HS3ST5: variants seen among roughly 807,000 people sequenced by gnomAD.
HS3ST5 encodes heparan sulfate-glucosamine 3-sulfotransferase 5.
Under a neutral mutation model 25.4 loss-of-function variants are expected in HS3ST5, and 10 were observed. The ratio of observed to expected loss-of-function variants is 0.39; its 90% CI spans 0.24 to 0.67. The LOEUF (loss-of-function observed/expected upper bound fraction) is 0.67, where lower values mean the gene tolerates loss of function less well. Ranked by LOEUF, HS3ST5 falls within the 30% of genes least tolerant of loss-of-function variation. HS3ST5 has a pLI of 0.44. For missense variants in HS3ST5, 324 were observed against 420.7 expected (o/e 0.77, Z 2.01); for synonymous variants, 170 against 162.4 (o/e 1.05, Z -0.36).
intron 3 of HS3ST5, chr6:114,084,479 A>G (rs12661647): frequency 0.022 from 16,802 of 757,624 alleles, 315 homozygotes; most frequent in African/African-American, 0.073. Flanking sequence ...TCCCGCGGGT[A>G]TTCACGGGAA....
chr6:114,157,964 AC>A (rs1268066560), intron 3 of HS3ST5, among the ~76,000 whole-genome samples: 2 of 151,752 alleles, frequency 1.3e-5, no homozygotes, highest in African/African-American at 4.8e-5. Flanking sequence ...TTCCTGTACA[AC>A]CCCACTCCTC....
chr6:114,326,263 G>A (rs1450799732), intron 1 of HS3ST5, among the ~76,000 whole-genome samples: 7 of 152,078 alleles, frequency 4.6e-5, no homozygotes, highest in African/African-American at 1.7e-4. Context: ...GGTGGTGCAT[G>A]CCTGTAATCC....
intron 2 of HS3ST5, among the ~76,000 whole-genome samples, chr6:114,199,097 A>G (rs2114354867): frequency 6.6e-6 from 1 of 152,354 alleles, no homozygotes; most frequent in South Asian, 2.1e-4. Context: ...AAAATATGAA[A>G]GTCATAAAAT....
chr6:114,245,921 A>T (rs767798330), intron 1 of HS3ST5, among the ~76,000 whole-genome samples: 3 of 152,224 alleles, frequency 2.0e-5, no homozygotes, highest in Non-Finnish European at 4.4e-5. Context: ...TTATACTGAC[A>T]TAAAGGTAAA....
At chr6:114,156,155 C>A (rs1016662676) in intron 3 of HS3ST5, among the ~76,000 whole-genome samples, 2 of 151,998 alleles carry the variant, frequency 1.3e-5, no homozygotes, top group African/African-American at 4.8e-5. Context: ...AGGACAGGAC[C>A]TTTCCTTCCA....
chr6:114,320,854 C>T (rs139143395), intron 1 of HS3ST5, among the ~76,000 whole-genome samples: 1 of 150,984 alleles, frequency 6.6e-6, no homozygotes, highest in Non-Finnish European at 1.5e-5. Flanking sequence ...TTGTTCACTC[C>T]AGTATTCTCA....
intron 1 of HS3ST5, among the ~76,000 whole-genome samples, chr6:114,320,292 G>A (rs927745103): frequency 1.3e-5 from 2 of 152,026 alleles, no homozygotes; most frequent in South Asian, 2.1e-4. Flanking sequence ...GTGCCTCAAC[G>A]CTCTAATTTC....
At chr6:114,200,440 GA>G (rs987605320) in intron 2 of HS3ST5, among the ~76,000 whole-genome samples, 1 of 152,108 alleles carries the variant, frequency 6.6e-6, no homozygotes, top group Non-Finnish European at 1.5e-5. Flanking sequence ...TTTTGTCTTT[GA>G]AAAATCTTAG....
intron 1 of HS3ST5, among the ~76,000 whole-genome samples, chr6:114,270,908 G>T (rs927024915): frequency 4.0e-5 from 6 of 151,566 alleles, no homozygotes; most frequent in African/African-American, 1.5e-4. Flanking sequence ...GGAGAAAAAA[G>T]AAATTAAATC....
At chr6:114,263,367 G>C (rs1773262487) in intron 1 of HS3ST5, among the ~76,000 whole-genome samples, 1 of 151,944 alleles carries the variant, frequency 6.6e-6, no homozygotes, top group African/African-American at 2.4e-5. Context: ...ACTATGCTCT[G>C]AACTCTTATA....
At chr6:114,254,766 C>T (rs139033938) in intron 1 of HS3ST5, among the ~76,000 whole-genome samples, 2,264 of 152,204 alleles carry the variant, frequency 0.015, 65 homozygotes, top group African/African-American at 0.052. Flanking sequence ...ACCATCAGAT[C>T]TCATGAGACT....
At chr6:114,099,213 G>T (rs9481418) in intron 3 of HS3ST5, among the ~76,000 whole-genome samples, 21,517 of 151,974 alleles carry the variant, frequency 0.14, 1,558 homozygotes, top group Middle Eastern at 0.21. Flanking sequence ...CAAATTACAG[G>T]GCCAGCAAGC....
At chr6:114,147,298 T>C (rs1427565754) in intron 3 of HS3ST5, among the ~76,000 whole-genome samples, 1 of 152,190 alleles carries the variant, frequency 6.6e-6, no homozygotes, top group Admixed American at 6.5e-5. Context: ...CCAGCCTCCC[T>C]TGCAGCTAAA....
chr6:114,270,823 G>T (rs1450383513), intron 1 of HS3ST5, among the ~76,000 whole-genome samples: 1 of 151,898 alleles, frequency 6.6e-6, no homozygotes, highest in Non-Finnish European at 1.5e-5. Context: ...AAAATAAAAA[G>T]GGTTGGGATT....
intron 3 of HS3ST5, among the ~76,000 whole-genome samples, chr6:114,165,004 G>A (rs543463183): frequency 5.2e-4 from 79 of 152,288 alleles, no homozygotes; most frequent in African/African-American, 1.9e-3. Flanking sequence ...CTGTTAAAGA[G>A]ATTGTTCCAA....
chr6:114,210,225 C>T (rs1050837158), intron 2 of HS3ST5, among the ~76,000 whole-genome samples: 12 of 152,150 alleles, frequency 7.9e-5, no homozygotes, highest in East Asian at 5.8e-4. Context: ...TAGCTCCATT[C>T]ATCTGTGTGC....
intron 2 of HS3ST5, among the ~76,000 whole-genome samples, chr6:114,198,714 A>G (rs1371821989): frequency 6.6e-6 from 1 of 152,210 alleles, no homozygotes; most frequent in Non-Finnish European, 1.5e-5. Context: ...AGCATTCTAT[A>G]CTGATTGTGG....
At chr6:114,249,556 T>G (rs971641147) in intron 1 of HS3ST5, among the ~76,000 whole-genome samples, 1 of 152,024 alleles carries the variant, frequency 6.6e-6, no homozygotes, top group Non-Finnish European at 1.5e-5. Context: ...GTGCTAAGAG[T>G]GCTGGTTGCA....
chr6:114,061,407 T>G (rs552007805), intron 4 of HS3ST5, among the ~76,000 whole-genome samples: 1 of 152,136 alleles, frequency 6.6e-6, no homozygotes, highest in East Asian at 1.9e-4. Flanking sequence ...CTCAGGAATT[T>G]TGAATTGAGA....
Sources: gnomAD v4.1 joint callset for allele counts (sites outside exome capture counted in the v4.1 genomes callset) on GRCh38, gnomAD v4.1.1 for gene constraint, MANE v1.5 for transcripts, NCBI Gene and HGNC (gene_info 2026-07-23, HGNC 2026-07-21) for gene names.